The following SH3RF3 variants were observed in gnomAD, a reference collection of about 807,000 sequenced individuals.
SH3RF3 encodes the protein SH3 domain containing ring finger 3.
SH3RF3 carries 29 observed loss-of-function variants against 66.3 expected under a neutral mutation model. That is an observed-to-expected ratio of 0.44 (90% CI 0.33 to 0.60). The LOEUF is 0.60. Among genes scored for constraint, SH3RF3 ranks in the 20% least tolerant of loss-of-function variants. SH3RF3 has a pLI of 0.04. For synonymous variants in SH3RF3, 583 were observed against 532.0 expected (o/e 1.10, Z -1.32); for missense variants, 1,194 against 1,190.9 (o/e 1.00, Z -0.04).
chr2:109,148,723 G>A (rs943895355), intron 1 of SH3RF3, among the ~76,000 whole-genome samples: 5 of 152,246 alleles, frequency 3.3e-5, no homozygotes, highest in Non-Finnish European at 5.9e-5. Flanking sequence ...GTAATGTGTA[G>A]TGAATTGAGT....
intron 1 of SH3RF3, among the ~76,000 whole-genome samples, chr2:109,204,778 AT>A (rs1324574018): frequency 6.6e-6 from 1 of 152,132 alleles, no homozygotes; most frequent in East Asian, 1.9e-4. Flanking sequence ...TGCATTCTAG[AT>A]TTATTGGGTC....
At chr2:109,383,590 G>C (rs528521847) in intron 3 of SH3RF3, among the ~76,000 whole-genome samples, 6 of 152,294 alleles carry the variant, frequency 3.9e-5, no homozygotes, top group South Asian at 4.2e-4. Flanking sequence ...TCCGGGAAAT[G>C]CCCAAACCGT....
chr2:109,218,230 A>G (rs1320696174), intron 1 of SH3RF3, among the ~76,000 whole-genome samples: 1 of 151,916 alleles, frequency 6.6e-6, no homozygotes. Context: ...AGGGTCCTTC[A>G]TGTGGCATGG....
chr2:109,189,221 G>T (rs2105014994), intron 1 of SH3RF3, among the ~76,000 whole-genome samples: 1 of 152,012 alleles, frequency 6.6e-6, no homozygotes, highest in Non-Finnish European at 1.5e-5. Flanking sequence ...GGAGGCTCTG[G>T]TGTGTTCAGA....
chr2:109,229,413 GA>G (rs1462138327), intron 1 of SH3RF3, among the ~76,000 whole-genome samples: 9 of 152,122 alleles, frequency 5.9e-5, no homozygotes, highest in African/African-American at 4.8e-5. Context: ...TCTGTCCCAG[GA>G]TCCCATACTG....
chr2:109,369,490 G>A (rs760032656), intron 2 of SH3RF3, among the ~76,000 whole-genome samples: 16 of 152,336 alleles, frequency 1.1e-4, no homozygotes, highest in Middle Eastern at 3.4e-3. Flanking sequence ...TGCTCTTTAC[G>A]TTTTTCTGGC....
chr2:109,315,617 G>A lies in SH3RF3; in HGVS notation c.574-32057G>A, dbSNP rs1459310816. Among the ~76,000 whole-genome samples the A allele has an allele frequency of 1.3e-5, 2 of 152,238 alleles. 1 individual carries two copies. The highest frequency in any genetic ancestry group is 6.3e-3 in the Middle Eastern group (2 of 316). On this transcript the variant is annotated intron_variant, in intron 1 of 9. Transcript: ENST00000309415. ...TCAGAAACTGTCAGTGATGCACAAG[G>A]ACGTGTGTGTCCAGAGAAGAGACGC...
intron 3 of SH3RF3, among the ~76,000 whole-genome samples, chr2:109,386,417 A>T (rs55848096): frequency 1.7e-4 from 25 of 148,666 alleles, no homozygotes; most frequent in Admixed American, 6.8e-5. Flanking sequence ...CAAGAAGTTT[A>T]AAAAAAAAAA....
chr2:109,460,383 G>A (rs564640590), intron 8 of SH3RF3, among the ~76,000 whole-genome samples: 1 of 152,246 alleles, frequency 6.6e-6, no homozygotes, highest in Non-Finnish European at 1.5e-5. Context: ...GACATGCTGG[G>A]GACTCACTGT....
chr2:109,418,182 C>T (rs1406590871), intron 4 of SH3RF3, among the ~76,000 whole-genome samples: 1 of 152,096 alleles, frequency 6.6e-6, no homozygotes, highest in Non-Finnish European at 1.5e-5. Context: ...TGCTGGGACC[C>T]CTATTCTGCC....
chr2:109,340,613 C>T (rs576733411), intron 1 of SH3RF3, among the ~76,000 whole-genome samples: 7 of 152,298 alleles, frequency 4.6e-5, no homozygotes, highest in South Asian at 2.1e-4. Flanking sequence ...TTCCTGGCCC[C>T]GGCACCCAGG....
intron 1 of SH3RF3, among the ~76,000 whole-genome samples, chr2:109,234,936 G>A (rs550694195): frequency 1.3e-5 from 2 of 152,294 alleles, no homozygotes; most frequent in Admixed American, 1.3e-4. Context: ...CTGAGTTGTT[G>A]TATGAGTGTC....
chr2:109,378,417 G>A (rs907051289), intron 3 of SH3RF3, among the ~76,000 whole-genome samples: 4 of 152,194 alleles, frequency 2.6e-5, no homozygotes, highest in African/African-American at 9.7e-5. Flanking sequence ...ACCTGAGACG[G>A]GGTTGGAACA....
chr2:109,387,307 T>C (rs576020839), intron 3 of SH3RF3, among the ~76,000 whole-genome samples: 1 of 152,280 alleles, frequency 6.6e-6, no homozygotes, highest in Admixed American at 6.5e-5. Context: ...GGCCGGGGGA[T>C]CCTGTTGTGT....
rs1323925889 is a variant in SH3RF3 at position 109,501,169 on chromosome 2, C to T, written c.2481-334C>T. On this transcript the variant is annotated intron_variant, in intron 9 of 9. Coordinates refer to ENST00000309415, the MANE Select transcript of SH3RF3 (RefSeq NM_001099289.3). ...TCCCCCGCCCCTGCCCCTGGGAGGC[C>T]GCAGTCTAGGTGGGTGGGCCAGGGC... is the stretch of plus-strand genomic sequence containing the variant. Among the ~76,000 whole-genome samples the T allele has an allele frequency of 4.6e-5, 7 of 151,924 alleles. No individual in the cohort carries two copies. In the South Asian group the frequency reaches 6.2e-4, roughly 14 times the overall value.
chr2:109,151,874 A>G (rs1412635194), intron 1 of SH3RF3, among the ~76,000 whole-genome samples: 1 of 152,260 alleles, frequency 6.6e-6, no homozygotes, highest in Non-Finnish European at 1.5e-5. Context: ...AATTGTCATC[A>G]TGATAGAATC....
chr2:109,311,378 C>T (rs1681718480), intron 1 of SH3RF3, among the ~76,000 whole-genome samples: 1 of 126,800 alleles, frequency 7.9e-6, no homozygotes, highest in African/African-American at 3.2e-5. Flanking sequence ...AAACCCACAG[C>T]CAATATCATA....
At position 109,171,115 on chromosome 2, in the gene SH3RF3, C is replaced by T. The variant is rs1677770313; in HGVS notation, c.573+41002C>T. Among the ~76,000 whole-genome samples, 3 of 152,192 alleles carry T rather than the reference C, an allele frequency of 2.0e-5. No individual in the cohort carries two copies. The South Asian group carries it at 6.2e-4, about 31-fold the overall frequency. ...CTTGCTGTGTGACTTATCTCTTCCT[C>T]AGTAATCTGCAGCACCTAGATCATT... On this transcript the variant is annotated intron_variant, in intron 1 of 9. Transcript: ENST00000309415.
chr2:109,416,534 G>A (rs1314425442), intron 4 of SH3RF3, among the ~76,000 whole-genome samples: 4 of 152,100 alleles, frequency 2.6e-5, no homozygotes, highest in East Asian at 1.9e-4. Flanking sequence ...ACAGGCGTGC[G>A]CCATCATGCC....
Sources: allele counts gnomAD v4.1 joint callset (sites outside exome capture counted in the v4.1 genomes callset), GRCh38; gene constraint gnomAD v4.1.1; transcripts MANE v1.5; gene names NCBI Gene and HGNC (gene_info 2026-07-23, HGNC 2026-07-21).